The following ZNF804B variants were observed in gnomAD, a reference collection of about 807,000 sequenced individuals.
The protein encoded by ZNF804B is zinc finger 804B.
Under a neutral mutation model 101.4 loss-of-function variants are expected in ZNF804B, and 80 were observed. The observed-to-expected ratio is 0.79, with a 90% CI of 0.66 to 0.95. The LOEUF (loss-of-function observed/expected upper bound fraction) is 0.95. ZNF804B is among the 40% of genes least tolerant of loss of function. ZNF804B has a pLI of 0.00. For synonymous variants in ZNF804B, 622 were observed against 558.8 expected, an observed-to-expected ratio of 1.11 and a Z score of -1.59; for missense variants, 1,673 against 1,561.9, an observed-to-expected ratio of 1.07 and a Z score of -1.20.
intron 1 of ZNF804B, among the ~76,000 whole-genome samples, chr7:88,870,841 A>G (rs906135411): frequency 1.2e-4 from 18 of 152,292 alleles, no homozygotes; most frequent in African/African-American, 4.3e-4. Context: ...AAACTAGGAT[A>G]TTATTTCTAG....
chr7:88,810,188 C>T (rs190737523), intron 1 of ZNF804B, among the ~76,000 whole-genome samples: 1 of 152,004 alleles, frequency 6.6e-6, no homozygotes, highest in East Asian at 1.9e-4. Context: ...ATGTTGCACA[C>T]TCTCACTCAC....
At chr7:89,168,567 A>T (rs915530891) in intron 1 of ZNF804B, among the ~76,000 whole-genome samples, 32 of 152,222 alleles carry the variant, frequency 2.1e-4, no homozygotes, top group Non-Finnish European at 8.8e-5. Flanking sequence ...ACTTGTGGTC[A>T]GTTGGTTAGT....
intron 1 of ZNF804B, among the ~76,000 whole-genome samples, chr7:88,808,841 TG>T (rs1436926912): frequency 3.9e-5 from 6 of 152,150 alleles, no homozygotes; most frequent in Non-Finnish European, 8.8e-5. Flanking sequence ...ACTCAACCAT[TG>T]GTAAGTTATG....
In ZNF804B at chr7:88,910,857, A is replaced by G. The variant is rs142056078; in HGVS notation, c.108+150773A>G. Among the ~76,000 whole-genome samples the G allele has an allele frequency of 8.7e-4, 132 of 152,118 alleles. 1 individual carries two copies. The highest frequency in any genetic ancestry group is 3.1e-3 in the African/African-American group (127 of 41,558). On this transcript the variant is annotated intron_variant, in intron 1 of 3. Transcript: ENST00000333190. The stretch of plus-strand genomic sequence containing the variant: ...GTTATCAGTAGTTGTAAAACTCACA[A>G]TATTCTTCCAGCAAGCCTTTCTGCA...
Position 89,334,063 on chromosome 7 carries a change from T to G in ZNF804B, c.1081T>G (p.Cys361Gly). 4 of 1,613,646 alleles carry G rather than the reference T, an allele frequency of 2.5e-6. No homozygotes were observed. The highest frequency in any genetic ancestry group is 3.4e-6 in the Non-Finnish European group (4 of 1,179,800). The change falls in exon 4 of 4, where the codon TGC (cysteine) becomes GGC (glycine). Residue 361 changes from cysteine to glycine, a missense_variant. Cys to Gly is a radical substitution (Grantham distance 159). Transcript: ENST00000333190. ...NTLENCVNHPCQANASFSPPN... is the reference protein window; with the variant it reads ...NTLENCVNHPGQANASFSPPN... ...TTTAGAAAATTGTGTTAATCACCCATGCCAAGCAAATGCTTCCTTCAGCCC... is the reference window on the plus strand; with the variant it reads ...TTTAGAAAATTGTGTTAATCACCCAGGCCAAGCAAATGCTTCCTTCAGCCC...
intron 1 of ZNF804B, among the ~76,000 whole-genome samples, chr7:89,206,432 C>T (rs974447063): frequency 1.3e-5 from 2 of 152,096 alleles, no homozygotes; most frequent in South Asian, 4.1e-4. Flanking sequence ...AGCTCCATTT[C>T]CAAACTATGT....
At chr7:88,951,460 GCGTGCGCACGCGCACGCA>G in intron 1 of ZNF804B, among the ~76,000 whole-genome samples, 1 of 151,666 alleles carries the variant, frequency 6.6e-6, no homozygotes, top group Non-Finnish European at 1.5e-5. Context: ...ACACACATGC[GCGTGCGCACGCGCACGCA>G]CATATATAAT....
intron 1 of ZNF804B, among the ~76,000 whole-genome samples, chr7:88,944,836 C>T (rs1204234196): frequency 6.6e-6 from 1 of 151,726 alleles, no homozygotes; most frequent in Non-Finnish European, 1.5e-5. Context: ...ATAATTAGTA[C>T]TTAACACAAA....
At chr7:89,271,454 C>A (rs1185647260) in intron 2 of ZNF804B, among the ~76,000 whole-genome samples, 1 of 152,156 alleles carries the variant, frequency 6.6e-6, no homozygotes, top group South Asian at 2.1e-4. Context: ...TGATATGTTG[C>A]TGGATTCAGT....
At chr7:88,895,523 C>T (rs998605424) in intron 1 of ZNF804B, among the ~76,000 whole-genome samples, 7 of 152,146 alleles carry the variant, frequency 4.6e-5, no homozygotes, top group Admixed American at 6.5e-5. Context: ...GGCCTAGAAG[C>T]GATGATACCC....
chr7:89,231,852 A>T (rs967510475), intron 2 of ZNF804B, among the ~76,000 whole-genome samples: 1 of 151,990 alleles, frequency 6.6e-6, no homozygotes, highest in African/African-American at 2.4e-5. Flanking sequence ...TTAGGATTTT[A>T]TGTATATAAG....
intron 1 of ZNF804B, among the ~76,000 whole-genome samples, chr7:89,205,242 T>C (rs1464519261): frequency 6.6e-6 from 1 of 152,148 alleles, no homozygotes; most frequent in Non-Finnish European, 1.5e-5. Flanking sequence ...GAGATTTGGG[T>C]GGGGACACAG....
At chr7:89,191,968 A>G (rs1257215516) in intron 1 of ZNF804B, among the ~76,000 whole-genome samples, 5 of 152,066 alleles carry the variant, frequency 3.3e-5, no homozygotes, top group Non-Finnish European at 7.4e-5. Context: ...TTTTGAATGA[A>G]ATAAGAAATA....
At chr7:89,163,927 A>T in intron 1 of ZNF804B, among the ~76,000 whole-genome samples, 1 of 150,366 alleles carries the variant, frequency 6.7e-6, no homozygotes, top group Non-Finnish European at 1.5e-5. Context: ...TCCTCCCTCC[A>T]TTCCTTCCCA....
intron 2 of ZNF804B, among the ~76,000 whole-genome samples, chr7:89,310,970 A>AT (rs59813307): frequency 0.038 from 5,685 of 149,730 alleles, 157 homozygotes; most frequent in African/African-American, 0.074. Flanking sequence ...TTCTCTTAAG[A>AT]TTTTTTTTTT....
chr7:88,793,446 G>T (rs2115688247), intron 1 of ZNF804B, among the ~76,000 whole-genome samples: 1 of 152,156 alleles, frequency 6.6e-6, no homozygotes, highest in South Asian at 2.1e-4. Flanking sequence ...TTCAATAAAT[G>T]ATGTTGCATG....
At chr7:89,013,741 C>G (rs1381099755) in intron 1 of ZNF804B, among the ~76,000 whole-genome samples, 1 of 152,098 alleles carries the variant, frequency 6.6e-6, no homozygotes, top group Non-Finnish European at 1.5e-5. Context: ...AATTTTGTGT[C>G]CTTTGACAAA....
Position 89,064,364 on chromosome 7 carries a change from C to T in ZNF804B, c.109-153791C>T, listed in dbSNP as rs534169402. 2.0e-5 allele frequency among the ~76,000 whole-genome samples: 3 copies of T among 152,304 alleles called. No individual in the cohort carries two copies. The East Asian group carries it at 5.8e-4, about 29-fold the overall frequency. On this transcript the variant is annotated intron_variant, in intron 1 of 3. Transcript: ENST00000333190. The stretch of plus-strand genomic sequence containing the variant: ...GCTGGGGCAGCAAGTCCTTCCTTGA[C>T]AAGGAAGCTGCTCGGTATAACCCGT...
intron 1 of ZNF804B, among the ~76,000 whole-genome samples, chr7:89,173,055 C>T (rs1164112330): frequency 6.6e-6 from 1 of 152,022 alleles, no homozygotes; most frequent in Non-Finnish European, 1.5e-5. Flanking sequence ...CATGGGCCCT[C>T]CTGGGGTATG....
Sources: gnomAD v4.1 joint callset for allele counts (sites outside exome capture counted in the v4.1 genomes callset) on GRCh38, gnomAD v4.1.1 for gene constraint, MANE v1.5 for transcripts, NCBI Gene and HGNC (gene_info 2026-07-23, HGNC 2026-07-21) for gene names.